PSMA3: variants seen among roughly 807,000 people sequenced by gnomAD.
The protein encoded by PSMA3 is proteasome 20S subunit alpha 3, also known as proteasome subunit alpha type-3.
A neutral mutation model predicts 40.0 loss-of-function variants in PSMA3; 8 were observed. That is an observed-to-expected ratio of 0.20 (90% CI 0.12 to 0.36). The LOEUF is 0.36. Among genes scored for constraint, PSMA3 ranks in the 10% least tolerant of loss-of-function variants. The pLI is 1.00. For synonymous variants in PSMA3, 110 were observed against 100.0 expected, an observed-to-expected ratio of 1.10 and a Z score of -0.59; for missense variants, 219 against 310.6, an observed-to-expected ratio of 0.70 and a Z score of 2.22.
chr14:58,257,700 G>T (rs749697883), intron 3 of PSMA3, 45 bp from the exon 4 acceptor site: 2 of 1,481,050 alleles, frequency 1.4e-6, no homozygotes, highest in Non-Finnish European at 1.9e-6. Flanking sequence ...ACTTTGATTT[G>T]TGATAGGAAT....
intron 3 of PSMA3, among the ~76,000 whole-genome samples, chr14:58,254,588 A>G (rs1434423418): frequency 6.6e-6 from 1 of 151,576 alleles, no homozygotes; most frequent in African/African-American, 2.4e-5. Context: ...CTCCCGCCTC[A>G]GCTTCTTGAG....
chr14:58,266,716 C>CA (rs2140095377), intron 7 of PSMA3: 1 of 152,356 alleles, frequency 6.6e-6, no homozygotes, highest in Admixed American at 6.5e-5. Context: ...CTTGGTTCTT[C>CA]AAAGCTTTCC....
At chr14:58,262,018 C>T (rs1890297326) in intron 6 of PSMA3, among the ~76,000 whole-genome samples, 1 of 151,922 alleles carries the variant, frequency 6.6e-6, no homozygotes, top group South Asian at 2.1e-4. Flanking sequence ...CCTCTTCCGC[C>T]TCCTAGGTTC....
intron 1 of PSMA3, among the ~76,000 whole-genome samples, chr14:58,247,155 A>C (rs969900422): frequency 2.0e-4 from 31 of 152,214 alleles, no homozygotes; most frequent in Non-Finnish European, 4.0e-4. Flanking sequence ...GGTTTGACTC[A>C]GCCTAAATAT....
chr14:58,247,745 T>C lies in PSMA3; in HGVS notation c.22-5T>C. ...CAAGCTTACTGTTGCCCTTTTCTCC[T>C]TAAGTATGACCTGTCAGCCTCTACA... On this transcript the variant is annotated splice_polypyrimidine_tract_variant and splice_region_variant and intron_variant, in intron 1 of 10. Transcript: ENST00000216455. 1 of 1,584,580 alleles carries C rather than the reference T, an allele frequency of 6.3e-7. No individual in the cohort carries two copies.
intron 3 of PSMA3, among the ~76,000 whole-genome samples, chr14:58,257,096 T>C (rs1442019905): frequency 2.4e-4 from 27 of 110,402 alleles, no homozygotes; most frequent in African/African-American, 8.3e-4. Flanking sequence ...AGTGAGACTC[T>C]GTCTCAAAAA....
intron 6 of PSMA3, among the ~76,000 whole-genome samples, chr14:58,262,863 C>T (rs1406196045): frequency 6.6e-6 from 1 of 152,046 alleles, no homozygotes; most frequent in Non-Finnish European, 1.5e-5. Flanking sequence ...AGCCACTGCA[C>T]CCGGCCTGTT....
At chr14:58,263,856 G>A in intron 7 of PSMA3, 86 bp downstream of exon 7, 1 of 1,245,992 alleles carries the variant, frequency 8.0e-7, no homozygotes, top group Non-Finnish European at 1.2e-6. Context: ...TCTAAGGCAG[G>A]GATGTCCAAT....
At chr14:58,244,967 T>A in intron 1 of PSMA3, 26 bp downstream of exon 1, 1 of 1,614,096 alleles carries the variant, frequency 6.2e-7, no homozygotes, top group Non-Finnish European at 8.5e-7. Context: ...GTCGGTGTAA[T>A]AGTTTAACCT....
chr14:58,245,212 G>A (rs1889853009), intron 1 of PSMA3: 1 of 475,866 alleles, frequency 2.1e-6, no homozygotes, highest in African/African-American at 1.9e-5. Flanking sequence ...GGATTGCTGA[G>A]TCACTTTCTT....
chr14:58,248,339 C>T (rs1422258481), intron 2 of PSMA3, among the ~76,000 whole-genome samples: 2 of 152,160 alleles, frequency 1.3e-5, no homozygotes, highest in Admixed American at 1.3e-4. Flanking sequence ...AAGTGATTCT[C>T]TTGCCTCAGC....
chr14:58,268,256 T>C (rs2140096915), intron 8 of PSMA3: 1 of 152,300 alleles, frequency 6.6e-6, no homozygotes, highest in East Asian at 1.9e-4. Context: ...TCAAAAGTTA[T>C]GGATAATCGT....
At chr14:58,262,060 G>C (rs1028372005) in intron 6 of PSMA3, among the ~76,000 whole-genome samples, 2 of 152,166 alleles carry the variant, frequency 1.3e-5, no homozygotes, top group African/African-American at 4.8e-5. Flanking sequence ...CTCCTGATTA[G>C]CTGGGATTAC....
chr14:58,251,691 GGAA>G (rs1386620518), intron 2 of PSMA3, among the ~76,000 whole-genome samples: 1 of 152,164 alleles, frequency 6.6e-6, no homozygotes, highest in African/African-American at 2.4e-5. Flanking sequence ...ATGAGCAAAA[GGAA>G]GAATAAATCA....
intron 2 of PSMA3, among the ~76,000 whole-genome samples, chr14:58,248,629 AC>A (rs1346994778): frequency 6.6e-6 from 1 of 152,090 alleles, no homozygotes. Context: ...AAAAATTGAA[AC>A]CTTAAAAACG....
In PSMA3 at chr14:58,251,350, A is replaced by G. The variant is rs577943352; in HGVS notation, c.105-769A>G. 3.0e-4 allele frequency among the ~76,000 whole-genome samples: 46 copies of G among 152,226 alleles called. 1 individual carries two copies. Among genetic ancestry groups the G allele is most frequent in the African/African-American group, 1.1e-3 (45 of 41,544 alleles). The stretch of plus-strand genomic sequence containing the variant: ...GCACAGACTGGTGTGCAGTGGTGCA[A>G]TCTTGGCTCACTGCAGCCACCACCT... On this transcript the variant is annotated intron_variant, in intron 2 of 10. Coordinates refer to ENST00000216455, the MANE Select transcript of PSMA3 (RefSeq NM_002788.4).
In PSMA3 at chr14:58,271,935, C is replaced by T. The variant is rs1334949061; in HGVS notation, c.*40C>T. The T allele has an allele frequency of 8.5e-6, 12 of 1,406,824 alleles. No individual in the cohort carries two copies. Among genetic ancestry groups the T allele is most frequent in the Non-Finnish European group, 1.2e-5 (12 of 995,132 alleles). The allele number at this position is 1,406,824 out of a possible 1,614,324, so 87.1% of individuals were successfully genotyped here. A position where few individuals can be genotyped will look rare whatever the true frequency, so the allele number is the denominator to read the frequency against. ...TCTATTGTATTTTAAATTTCTACTCCAGTCCAATGTAACTATTTAGCCCTG... is the reference window on the plus strand; with the variant it reads ...TCTATTGTATTTTAAATTTCTACTCTAGTCCAATGTAACTATTTAGCCCTG... On this transcript the variant is annotated 3_prime_UTR_variant, in exon 11 of 11. Transcript: ENST00000216455.
chr14:58,271,093 C>T lies in PSMA3; in HGVS notation c.723+95C>T, dbSNP rs1045954064. The T allele has an allele frequency of 2.1e-5, 15 of 725,588 alleles. No individual in the cohort carries two copies. In the Admixed American group the frequency reaches 2.3e-4, roughly 11 times the overall value. 44.9% of individuals were successfully genotyped at this position (725,588 alleles called of 1,614,324 possible). ...ACCAGCCTGAGCAGCACAGCAAGAC[C>T]CCCATCCCTAATTTAAAAAAAAAAA... On this transcript the variant is annotated intron_variant, in intron 10 of 10. Transcript: ENST00000216455.
intron 5 of PSMA3, among the ~76,000 whole-genome samples, chr14:58,258,779 C>T (rs911634143): frequency 1.1e-4 from 17 of 152,242 alleles, no homozygotes; most frequent in African/African-American, 3.4e-4. Flanking sequence ...TGGCTTATGA[C>T]TTAAAACAGT....
Sources: gnomAD v4.1 joint callset for allele counts (sites outside exome capture counted in the v4.1 genomes callset) on GRCh38, gnomAD v4.1.1 for gene constraint, MANE v1.5 for transcripts, NCBI Gene and HGNC (gene_info 2026-07-23, HGNC 2026-07-21) for gene names.